COL6A3: variants seen among roughly 807,000 people sequenced by gnomAD.
The protein encoded by COL6A3 is collagen alpha-3(VI) chain.
COL6A3 carries 137 observed loss-of-function variants against 274.1 expected under a neutral mutation model. The observed-to-expected ratio is 0.50, with a 90% CI of 0.44 to 0.58. The LOEUF is 0.58. Among genes scored for constraint, COL6A3 ranks in the 20% least tolerant of loss-of-function variants. The pLI, the probability that COL6A3 is intolerant of heterozygous loss-of-function variation, is 0.00. For missense variants in COL6A3, 3,950 were observed against 4,124.9 expected (o/e 0.96, Z 1.16); for synonymous variants, 1,650 against 1,650.6 (o/e 1.00, Z 0.01).
At chr2:237,399,944 G>C (rs1206283032) in intron 1 of COL6A3, among the ~76,000 whole-genome samples, 1 of 152,190 alleles carries the variant, frequency 6.6e-6, no homozygotes, top group African/African-American at 2.4e-5. Context: ...AGAAGCCCAG[G>C]GGAAGGACCA....
At chr2:237,397,221 G>A (rs750436319) in intron 1 of COL6A3, among the ~76,000 whole-genome samples, 27 of 143,070 alleles carry the variant, frequency 1.9e-4, no homozygotes, top group Middle Eastern at 3.8e-3. Flanking sequence ...TGAAAGAAGG[G>A]AAGGAAGGAA....
rs202132584 is a variant in COL6A3 at position 237,387,998 on chromosome 2, T to G, written c.896A>C (p.Tyr299Ser). Residue 299 changes from tyrosine to serine, a missense_variant, in exon 4 of 44, where the codon TAC (tyrosine) becomes TCC (serine). Tyr to Ser is a moderately radical substitution (Grantham distance 144). Coordinates refer to ENST00000295550, the MANE Select transcript of COL6A3 (RefSeq NM_004369.4). Reference sequence around the variant, plus strand: ...ACCCAGAACCTGGGCCTTGGTGGAGTAGGTGTCCAAGGAGAACATGGTTCT... The same window carrying G: ...ACCCAGAACCTGGGCCTTGGTGGAGGAGGTGTCCAAGGAGAACATGGTTCT... Reference protein sequence around the residue: ...EPRTMFSLDTYSTKAQVLGAV... With the variant: ...EPRTMFSLDTSSTKAQVLGAV... 3 of 1,613,934 alleles carry G rather than the reference T, an allele frequency of 1.9e-6. No individual in the cohort carries two copies. In the African/African-American group the frequency reaches 4.0e-5, roughly 22 times the overall value.
chr2:237,345,823 C>A (rs570980357), intron 32 of COL6A3, among the ~76,000 whole-genome samples: 1 of 152,330 alleles, frequency 6.6e-6, no homozygotes, highest in South Asian at 2.1e-4. Flanking sequence ...TACTTAAAGA[C>A]AGCAATCAGA....
At chr2:237,356,422 TC>T (rs2106338192) in intron 23 of COL6A3, among the ~76,000 whole-genome samples, 1 of 152,356 alleles carries the variant, frequency 6.6e-6, no homozygotes, top group East Asian at 1.9e-4. Flanking sequence ...ATTTCTATTT[TC>T]TTCTGAATTT....
intron 9 of COL6A3, among the ~76,000 whole-genome samples, chr2:237,370,068 C>T (rs1482983094): frequency 6.6e-6 from 1 of 151,560 alleles, no homozygotes; most frequent in Non-Finnish European, 1.5e-5. Flanking sequence ...CACTGTGTTG[C>T]CCAGGCTGGT....
At chr2:237,404,999 G>A (rs1183669130) in intron 1 of COL6A3, among the ~76,000 whole-genome samples, 2 of 152,102 alleles carry the variant, frequency 1.3e-5, no homozygotes, top group Non-Finnish European at 2.9e-5. Flanking sequence ...AAAGTAATGG[G>A]ATAAATACAC....
chr2:237,372,032 C>T lies in COL6A3; in HGVS notation c.3985G>A (p.Gly1329Arg). 2 of 1,614,088 alleles carry T rather than the reference C, an allele frequency of 1.2e-6. No homozygotes were observed. Among genetic ancestry groups the T allele is most frequent in the Non-Finnish European group, 1.7e-6 (2 of 1,180,034 alleles). ...GGGACGCCCTCTTCAATGCGGCTCC[C>T]CAGGGGCCTCTTGAAGATGTTCCTG... is the stretch of plus-strand genomic sequence containing the variant. ...VSRNIFKRPL[G>R]SRIEEGVPQF... The change falls in exon 9 of 44, where the codon GGG (glycine) becomes AGG (arginine). Residue 1329 changes from glycine to arginine, a missense_variant. Gly to Arg is a moderately radical substitution (Grantham distance 125). Coordinates refer to ENST00000295550, the MANE Select transcript of COL6A3 (RefSeq NM_004369.4).
chr2:237,388,385 T>C (rs1249986755), intron 3 of COL6A3, among the ~76,000 whole-genome samples: 1 of 152,234 alleles, frequency 6.6e-6, no homozygotes, highest in Admixed American at 6.5e-5. Context: ...TTAGAAATCA[T>C]GGTGTAAAAA....
At chr2:237,353,667 C>A (rs2077254777) in intron 24 of COL6A3, among the ~76,000 whole-genome samples, 1 of 152,138 alleles carries the variant, frequency 6.6e-6, no homozygotes, top group African/African-American at 2.4e-5. Context: ...ATCATTTAGA[C>A]CTAAAGCAGA....
intron 1 of COL6A3, among the ~76,000 whole-genome samples, chr2:237,409,963 T>C (rs1421591721): frequency 6.6e-6 from 1 of 152,214 alleles, no homozygotes; most frequent in Non-Finnish European, 1.5e-5. Flanking sequence ...GATGCCTCCT[T>C]TGATGGCACA....
chr2:237,395,116 C>T lies in COL6A3; in HGVS notation c.180G>A (p.Glu60=). The T allele has an allele frequency of 6.2e-7, 1 of 1,614,036 alleles. No individual in the cohort carries two copies. The highest frequency in any genetic ancestry group is 8.5e-7 in the Non-Finnish European group (1 of 1,180,010). ...IGEEHFQLVR[E]FLYDVVKSLA... ...AGGATTTTACAACATCATATAGAAA[C>T]TCTCGAACAAGTTGGAAATGTTCCT... is the stretch of plus-strand genomic sequence containing the variant. Residue 60 remains glutamate (E), a synonymous_variant, in exon 3 of 44, where the codon GAG becomes GAA. Coordinates refer to ENST00000295550, the MANE Select transcript of COL6A3 (RefSeq NM_004369.4).
At chr2:237,354,143 C>T (rs527575464) in intron 24 of COL6A3, among the ~76,000 whole-genome samples, 2 of 151,868 alleles carry the variant, frequency 1.3e-5, no homozygotes, top group African/African-American at 4.8e-5. Context: ...TCCTGAGTAG[C>T]TGGAATTACA....
At chr2:237,392,510 T>A (rs971951674) in intron 3 of COL6A3, among the ~76,000 whole-genome samples, 5 of 152,184 alleles carry the variant, frequency 3.3e-5, no homozygotes, top group African/African-American at 1.2e-4. Context: ...TGACTCTCCA[T>A]CAGTCACCTC....
chr2:237,331,693 A>C (rs1480651548), intron 42 of COL6A3, among the ~76,000 whole-genome samples: 1 of 150,904 alleles, frequency 6.6e-6, no homozygotes, highest in Non-Finnish European at 1.5e-5. Flanking sequence ...AAGAGATCAG[A>C]GATCAATTAT....
chr2:237,342,485 G>T (rs2077007889), intron 36 of COL6A3: 1 of 335,554 alleles, frequency 3.0e-6, no homozygotes. Context: ...AGTAACTGGT[G>T]TATCCTCTGG....
Position 237,373,609 on chromosome 2 carries a change from C to T in COL6A3, c.3679+803G>A, listed in dbSNP as rs573003366. Among the ~76,000 whole-genome samples the T allele has an allele frequency of 3.1e-3, 472 of 152,302 alleles. 11 individuals carry two copies. Among genetic ancestry groups the T allele is most frequent in the Admixed American group, 0.027 (415 of 15,296 alleles). ...TGCTTTTACTCCTTCCTCCGCTCCT[C>T]CCCAACTTTCCTTCTTTTCTCTCCT... On this transcript the variant is annotated intron_variant, in intron 8 of 43. Transcript: ENST00000295550.
intron 23 of COL6A3, 46 bp from the exon 24 acceptor site, chr2:237,354,980 G>T: frequency 1.3e-6 from 2 of 1,574,556 alleles, no homozygotes; most frequent in South Asian, 1.1e-5. Context: ...AGCATGGGAC[G>T]CTGGGCATGG....
At chr2:237,380,878 C>T (rs767339335) in intron 5 of COL6A3, 37 bp downstream of exon 5, 15 of 1,594,598 alleles carry the variant, frequency 9.4e-6, no homozygotes, top group Non-Finnish European at 1.3e-5. Flanking sequence ...TGCCTGGAGA[C>T]CACCCCATTG....
chr2:237,388,134 C>T lies in COL6A3; in HGVS notation c.760G>A (p.Gly254Arg), dbSNP rs571172347. 17 of 1,614,066 alleles carry T rather than the reference C, an allele frequency of 1.1e-5. No homozygotes were observed. Among genetic ancestry groups the T allele is most frequent in the African/African-American group, 5.3e-5 (4 of 75,028 alleles). The change falls in exon 4 of 44, where the codon GGA (glycine) becomes AGA (arginine). Residue 254 changes from glycine to arginine, a missense_variant. Physicochemically the swap from Gly to Arg is moderately radical, Grantham distance 125 (BLOSUM62 -2). Around this residue, in one of 5 missense-constraint regions of COL6A3, gnomAD observed 1,934 missense variants for 1,984.3 expected, o/e 0.97. Transcript: ENST00000295550. ...IFLIDGSNNT[G>R]SVNFAVILDF... is the part of the protein sequence containing the mutation. ...AGAATGACTGCGAAATTGACACTTCCGGTGTTGTTTGATCCATCAATAAGG... is the reference window on the plus strand; with the variant it reads ...AGAATGACTGCGAAATTGACACTTCTGGTGTTGTTTGATCCATCAATAAGG...
Sources: allele counts gnomAD v4.1 joint callset (sites outside exome capture counted in the v4.1 genomes callset), GRCh38; gene constraint gnomAD v4.1.1; regional missense constraint gnomAD v4.1.1; transcripts MANE v1.5; gene names NCBI Gene and HGNC (gene_info 2026-07-23, HGNC 2026-07-21).